Variants in SPTB observed in about 807,000 individuals in gnomAD.
SPTB encodes the protein spectrin beta chain, erythrocytic.
Under a neutral mutation model 256.2 loss-of-function variants are expected in SPTB, and 45 were observed. The observed-to-expected ratio is 0.18, with a 90% CI of 0.14 to 0.23. The LOEUF is 0.23. SPTB is among the 10% of genes least tolerant of loss of function. The pLI is 1.00. For synonymous variants in SPTB, 1,231 were observed against 1,243.1 expected (o/e 0.99, Z 0.21); for missense variants, 2,715 against 3,040.4 (o/e 0.89, Z 2.52).
Position 64,786,268 on chromosome 14 carries a change from G to T in SPTB, c.3561+136C>A. Reference sequence around the variant, plus strand: ...GAAAAGGCCCCTAATGAGAAACAAAGATTTCCCCCATGAGTGAATACAGAG... The same window carrying T: ...GAAAAGGCCCCTAATGAGAAACAAATATTTCCCCCATGAGTGAATACAGAG... On this transcript the variant is annotated intron_variant, in intron 16 of 35. Transcript: ENST00000644917. The surrounding 1 kb of genome is among the most constrained non-coding windows in gnomAD (Gnocchi z 5.6). 1 of 1,292,602 alleles carries T rather than the reference G, an allele frequency of 7.7e-7. No homozygotes were observed. Among genetic ancestry groups the T allele is most frequent in the South Asian group, 1.2e-5 (1 of 83,976 alleles). 80.1% of individuals were successfully genotyped at this position (1,292,602 alleles called of 1,614,324 possible).
intron 1 of SPTB, among the ~76,000 whole-genome samples, chr14:64,872,839 G>A (rs1208554413): frequency 6.6e-6 from 1 of 152,146 alleles, no homozygotes; most frequent in African/African-American, 2.4e-5. Context: ...GTTTTATAAA[G>A]GGCAGTTCCC....
chr14:64,782,254 A>G (rs375626949), intron 20 of SPTB, 36 bp downstream of exon 20: 1 of 1,613,948 alleles, frequency 6.2e-7, no homozygotes, highest in African/African-American at 1.3e-5. Context: ...TATCCCTTCT[A>G]TCCTAACACT....
chr14:64,842,549 A>G (rs910092864), intron 1 of SPTB, among the ~76,000 whole-genome samples: 3 of 152,204 alleles, frequency 2.0e-5, no homozygotes, highest in Admixed American at 6.5e-5. Context: ...TGAAGTTAGT[A>G]ATAGTCATCA....
At chr14:64,769,871 C>T in intron 27 of SPTB, 143 bp from the exon 28 acceptor site, 1 of 1,078,948 alleles carries the variant, frequency 9.3e-7, no homozygotes, top group East Asian at 2.4e-5. Flanking sequence ...CCAGGGGGTC[C>T]TCCGCCAGCC....
At chr14:64,819,559 T>G (rs1321433466) in intron 2 of SPTB, among the ~76,000 whole-genome samples, 2 of 152,142 alleles carry the variant, frequency 1.3e-5, no homozygotes, top group Admixed American at 1.3e-4. Context: ...GAGACCTGCA[T>G]GGCATGGGGC....
intron 1 of SPTB, among the ~76,000 whole-genome samples, chr14:64,868,034 G>A (rs986843382): frequency 6.6e-6 from 1 of 152,152 alleles, no homozygotes; most frequent in African/African-American, 2.4e-5. Context: ...TAGGAAGAGA[G>A]GTCGGAACAG....
Position 64,823,450 on chromosome 14 carries a change from G to A in SPTB, c.-51-305C>T, listed in dbSNP as rs765689932. Among the ~76,000 whole-genome samples, 10 of 152,298 alleles carry A rather than the reference G, an allele frequency of 6.6e-5. No homozygotes were observed. Among genetic ancestry groups the A allele is most frequent in the Admixed American group, 4.6e-4 (7 of 15,306 alleles). On this transcript the variant is annotated intron_variant, in intron 1 of 35. Transcript: ENST00000644917. This position sits in a 1 kb window ranked among gnomAD's most constrained non-coding sequence, Gnocchi z 6.5. ...CTGCTTCCTCCAGACCAGCCGCCCC[G>A]CCGCGGGGAGCACCCCGGGAGAGAG...
chr14:64,858,398 A>G (rs1220342679), intron 1 of SPTB, among the ~76,000 whole-genome samples: 5 of 152,228 alleles, frequency 3.3e-5, no homozygotes, highest in Non-Finnish European at 7.3e-5. Context: ...GGCAGCAGAT[A>G]CTAAGAAAGG....
Position 64,749,825 on chromosome 14 carries a change from G to A in SPTB, c.6777-129C>T. On this transcript the variant is annotated intron_variant, in intron 34 of 35. Transcript: ENST00000644917. This position sits in a 1 kb window ranked among gnomAD's most constrained non-coding sequence, Gnocchi z 4.7. Reference sequence around the variant, plus strand: ...CCTCTCAGGCAGCCCAGCACTTTCTGAGAGGTCAAAGTCTGGACCATCAGC... The same window carrying A: ...CCTCTCAGGCAGCCCAGCACTTTCTAAGAGGTCAAAGTCTGGACCATCAGC... 1 of 1,488,642 alleles carries A rather than the reference G, an allele frequency of 6.7e-7. No individual in the cohort carries two copies. The highest frequency in any genetic ancestry group is 9.3e-7 in the Non-Finnish European group (1 of 1,080,294). 92.2% of individuals were successfully genotyped at this position (1,488,642 alleles called of 1,614,324 possible).
Position 64,795,213 on chromosome 14 carries a change from C to T in SPTB, c.1644+124G>A. On this transcript the variant is annotated intron_variant, in intron 12 of 35. Transcript: ENST00000644917. This position sits in a 1 kb window ranked among gnomAD's most constrained non-coding sequence, Gnocchi z 6.5. ...GCTAGACACTTTGCTGCCTCAGTTT[C>T]TCTATTTTGACTCAGAGATATGACT... 1 of 1,174,262 alleles carries T rather than the reference C, an allele frequency of 8.5e-7. No homozygotes were observed. The highest frequency in any genetic ancestry group is 1.2e-6 in the Non-Finnish European group (1 of 837,588). 72.7% of individuals were successfully genotyped at this position (1,174,262 alleles called of 1,614,324 possible). A position where few individuals can be genotyped will look rare whatever the true frequency, so the allele number is the denominator to read the frequency against.
At chr14:64,762,113 G>A (rs2082104369) in intron 32 of SPTB, among the ~76,000 whole-genome samples, 1 of 152,188 alleles carries the variant, frequency 6.6e-6, no homozygotes, top group Admixed American at 6.5e-5. Context: ...GCCAGGCGCA[G>A]TGCCAGAGTA....
chr14:64,848,746 C>T (rs1219527247), intron 1 of SPTB, among the ~76,000 whole-genome samples: 1 of 152,026 alleles, frequency 6.6e-6, no homozygotes, highest in African/African-American at 2.4e-5. Flanking sequence ...TTAATTATAG[C>T]TTATAGGGGA....
Position 64,771,102 on chromosome 14 carries a change from G to C in SPTB, c.5581C>G (p.Arg1861Gly), listed in dbSNP as rs757007250. 2.5e-6 allele frequency: 4 copies of C among 1,613,960 alleles called. No individual in the cohort carries two copies. The highest frequency in any genetic ancestry group is 1.1e-5 in the South Asian group (1 of 91,092). ...TCCCCAGCATATGCTGTCTGCAGAC[G>C]GGTGGCCACGTCCTGGAACTGCTGC... ...QVQQFQDVAT[R>G]LQTAYAGEKA... is the part of the protein sequence containing the mutation. Residue 1861 changes from arginine to glycine, a missense_variant, in exon 27 of 36, where the codon CGT (arginine) becomes GGT (glycine). By Grantham distance (125) the Arg-to-Gly change is moderately radical. Around this residue, in one of 4 missense-constraint regions of SPTB, gnomAD observed 2,239 missense variants for 2,384.4 expected, o/e 0.94. Coordinates refer to ENST00000644917, the MANE Select transcript of SPTB (RefSeq NM_001355436.2).
At chr14:64,830,356 T>A (rs553104484) in intron 1 of SPTB, among the ~76,000 whole-genome samples, 3,489 of 130,472 alleles carry the variant, frequency 0.027, 144 homozygotes, top group African/African-American at 0.11. Context: ...ATTATTATTA[T>A]TATTATTATT....
At chr14:64,800,920 C>G in intron 7 of SPTB, 52 bp from the exon 8 acceptor site, 1 of 1,450,252 alleles carries the variant, frequency 6.9e-7, no homozygotes, top group South Asian at 1.2e-5. Context: ...TCGGGAAAGT[C>G]AGGCTCAGAG....
In SPTB at chr14:64,827,243, C is replaced by T. The variant is rs957632917; in HGVS notation, c.-51-4098G>A. 2.0e-5 allele frequency among the ~76,000 whole-genome samples: 3 copies of T among 152,190 alleles called. No homozygotes were observed. Among genetic ancestry groups the T allele is most frequent in the Admixed American group, 6.5e-5 (1 of 15,276 alleles). Reference sequence around the variant, plus strand: ...GTCCCCCAACAAAGTAAACAGCATCCTCTCCTCTTCCCTGGGTCATACAAA... The same window carrying T: ...GTCCCCCAACAAAGTAAACAGCATCTTCTCCTCTTCCCTGGGTCATACAAA... On this transcript the variant is annotated intron_variant, in intron 1 of 35. Coordinates refer to ENST00000644917, the MANE Select transcript of SPTB (RefSeq NM_001355436.2). This position sits in a 1 kb window ranked among gnomAD's most constrained non-coding sequence, Gnocchi z 4.6.
chr14:64,761,043 G>A (rs967330878), intron 32 of SPTB, among the ~76,000 whole-genome samples: 1 of 152,232 alleles, frequency 6.6e-6, no homozygotes, highest in Non-Finnish European at 1.5e-5. Flanking sequence ...TCATGCCAGA[G>A]CTGGAAGACG....
chr14:64,767,915 C>T (rs956706784), intron 29 of SPTB, 56 bp from the exon 30 acceptor site: 3 of 1,588,590 alleles, frequency 1.9e-6, no homozygotes, highest in Non-Finnish European at 2.6e-6. Context: ...TGTTAGCACC[C>T]AATCGTTCAC....
chr14:64,804,433 G>C (rs2082945132), intron 3 of SPTB, among the ~76,000 whole-genome samples: 1 of 152,226 alleles, frequency 6.6e-6, no homozygotes, highest in Non-Finnish European at 1.5e-5. Context: ...CTGCCTGATA[G>C]GCCCAAGGAC....
Sources: gnomAD v4.1 joint callset for allele counts (sites outside exome capture counted in the v4.1 genomes callset) on GRCh38, gnomAD v4.1.1 for gene constraint, gnomAD v4.1.1 regional missense constraint, Gnocchi (gnomAD v3.1) non-coding constraint, MANE v1.5 for transcripts, NCBI Gene and HGNC (gene_info 2026-07-23, HGNC 2026-07-21) for gene names.